Variants in SEMA3A observed in about 807,000 individuals in gnomAD.
SEMA3A encodes semaphorin 3A.
SEMA3A carries 29 observed loss-of-function variants against 97.9 expected under a neutral mutation model. The observed-to-expected ratio is 0.30, with a 90% CI of 0.22 to 0.40. The LOEUF is 0.40. Ranked by LOEUF, SEMA3A falls within the 10% of genes least tolerant of loss-of-function variation. SEMA3A has a pLI of 1.00. For synonymous variants in SEMA3A, 321 were observed against 323.7 expected, an observed-to-expected ratio of 0.99 and a Z score of 0.09; for missense variants, 763 against 951.3, an observed-to-expected ratio of 0.80 and a Z score of 2.60.
intron 3 of SEMA3A, among the ~76,000 whole-genome samples, chr7:84,304,484 A>G (rs972068439): frequency 6.6e-6 from 1 of 152,110 alleles, no homozygotes; most frequent in African/African-American, 2.4e-5. Context: ...AAAAAGTAGA[A>G]TGGTTTTACG....
intron 1 of SEMA3A, among the ~76,000 whole-genome samples, chr7:84,448,409 C>A (rs902029236): frequency 2.3e-4 from 35 of 151,750 alleles, no homozygotes; most frequent in African/African-American, 7.8e-4. Context: ...AAAAATTTCA[C>A]AAAAAATTAT....
intron 1 of SEMA3A, among the ~76,000 whole-genome samples, chr7:84,427,449 C>A (rs556061436): frequency 5.3e-5 from 8 of 151,652 alleles, no homozygotes; most frequent in Non-Finnish European, 7.4e-5. Context: ...GAGTTTGAGA[C>A]CAGCCTGGCC....
Position 84,068,159 on chromosome 7 carries a change from A to C in SEMA3A, c.454-7601T>G, listed in dbSNP as rs1793602800. Among the ~76,000 whole-genome samples the C allele has an allele frequency of 2.1e-5, 3 of 140,958 alleles. No individual in the cohort carries two copies. In the South Asian group the frequency reaches 7.1e-4, roughly 34 times the overall value. 92.5% of individuals were successfully genotyped at this position (140,958 alleles called of 152,430 possible). ...GAAATTGGAAAACATCATTCTCAGT[A>C]AACTATCGCAAGAACAAAAAACCAA... On this transcript the variant is annotated intron_variant, in intron 4 of 16. Coordinates refer to ENST00000265362, the MANE Select transcript of SEMA3A (RefSeq NM_006080.3).
chr7:84,045,089 C>A (rs1792297139), intron 6 of SEMA3A, among the ~76,000 whole-genome samples: 1 of 151,948 alleles, frequency 6.6e-6, no homozygotes, highest in African/African-American at 2.4e-5. Flanking sequence ...TGTCACACAA[C>A]TCATGGTCTC....
chr7:84,341,684 G>A (rs79585459), intron 2 of SEMA3A, among the ~76,000 whole-genome samples: 3,486 of 152,164 alleles, frequency 0.023, 135 homozygotes, highest in African/African-American at 0.079. Flanking sequence ...AAACCTGGAT[G>A]ACTGAAATAG....
chr7:84,232,336 G>T (rs1799134939), intron 3 of SEMA3A, among the ~76,000 whole-genome samples: 1 of 148,904 alleles, frequency 6.7e-6, no homozygotes, highest in Non-Finnish European at 1.5e-5. Context: ...AATATATAAG[G>T]AAAAATGTCC....
rs35548191 is a variant in SEMA3A at position 84,300,048 on chromosome 7, A to G, written c.-83+7159T>C. Among the ~76,000 whole-genome samples, 1,686 of 148,704 alleles carry G rather than the reference A, an allele frequency of 0.011. 32 individuals carry two copies. In the East Asian group the frequency reaches 0.13, roughly 11 times the overall value. ...ACTCAGTCACAAAAAAAAAAAAAAAAAAAGAAAGAAAAAGAAACTTAGGAA... is the reference window on the plus strand; with the variant it reads ...ACTCAGTCACAAAAAAAAAAAAAAAGAAAGAAAGAAAAAGAAACTTAGGAA... On this transcript the variant is annotated intron_variant, in intron 3 of 3. Coordinates refer to the SEMA3A transcript ENST00000424555.
chr7:84,458,696 T>G (rs904786778), intron 1 of SEMA3A, among the ~76,000 whole-genome samples: 1 of 152,090 alleles, frequency 6.6e-6, no homozygotes, highest in African/African-American at 2.4e-5. Flanking sequence ...TATATCATAG[T>G]TGATCATATT....
intron 3 of SEMA3A, among the ~76,000 whole-genome samples, chr7:84,239,646 G>T (rs970169188): frequency 6.6e-6 from 1 of 151,924 alleles, no homozygotes; most frequent in Non-Finnish European, 1.5e-5. Flanking sequence ...AAATTGGATC[G>T]TAAAAAAACA....
intron 6 of SEMA3A, among the ~76,000 whole-genome samples, chr7:84,040,586 T>G (rs1362985906): frequency 6.6e-6 from 1 of 152,058 alleles, no homozygotes; most frequent in African/African-American, 2.4e-5. Flanking sequence ...TTGAGAGCCA[T>G]GTCAGGGAGG....
chr7:84,408,421 A>G (rs1326835214), intron 1 of SEMA3A, among the ~76,000 whole-genome samples: 1 of 151,456 alleles, frequency 6.6e-6, no homozygotes, highest in East Asian at 1.9e-4. Flanking sequence ...GTGGAGAAAT[A>G]GGAACACTTT....
At chr7:84,313,894 T>C (rs1339326032) in intron 2 of SEMA3A, among the ~76,000 whole-genome samples, 2 of 152,026 alleles carry the variant, frequency 1.3e-5, no homozygotes, top group Non-Finnish European at 2.9e-5. Flanking sequence ...ATTTTAACAA[T>C]AGGCTTTCAT....
intron 3 of SEMA3A, among the ~76,000 whole-genome samples, chr7:84,239,333 G>T (rs1054853373): frequency 6.6e-6 from 1 of 152,070 alleles, no homozygotes; most frequent in African/African-American, 2.4e-5. Flanking sequence ...AAAGGCTTTT[G>T]TTGAAAATAA....
chr7:84,328,439 T>C (rs1406261943), intron 2 of SEMA3A, among the ~76,000 whole-genome samples: 1 of 151,786 alleles, frequency 6.6e-6, no homozygotes, highest in Non-Finnish European at 1.5e-5. Context: ...GAGCAGGAGA[T>C]AGAGGGGAAG....
chr7:84,376,513 A>G (rs1352929552), intron 1 of SEMA3A, among the ~76,000 whole-genome samples: 2 of 129,526 alleles, frequency 1.5e-5, no homozygotes, highest in Admixed American at 1.7e-4. Flanking sequence ...CTGAGGCAGG[A>G]GAATGGCGTG....
At chr7:84,492,605 C>T (rs1806762228) in exon 1 of SEMA3A, 1 of 152,138 alleles carries the variant, frequency 6.6e-6, no homozygotes, top group Admixed American at 6.6e-5. Flanking sequence ...GCCCATCACA[C>T]TGATGCTAGA....
At chr7:84,288,239 C>T (rs959251054) in intron 3 of SEMA3A, among the ~76,000 whole-genome samples, 2 of 151,986 alleles carry the variant, frequency 1.3e-5, no homozygotes, top group Non-Finnish European at 2.9e-5. Flanking sequence ...GTGTGGCCCA[C>T]CATGCCCAGC....
At chr7:84,340,428 G>C (rs2115984124) in intron 2 of SEMA3A, among the ~76,000 whole-genome samples, 1 of 152,178 alleles carries the variant, frequency 6.6e-6, no homozygotes, top group South Asian at 2.1e-4. Flanking sequence ...GGAAATATTT[G>C]TGTCAGGTTA....
At chr7:84,477,438 CAAAAAAAAAAAA>C (rs11335984) in intron 1 of SEMA3A, among the ~76,000 whole-genome samples, 22 of 42,398 alleles carry the variant, frequency 5.2e-4, no homozygotes, top group African/African-American at 1.5e-3. Flanking sequence ...GACTCTGTCT[CAAAAAAAAAAAA>C]AAAAAAAAAA....
Sources: gnomAD v4.1 joint callset for allele counts (sites outside exome capture counted in the v4.1 genomes callset) on GRCh38, gnomAD v4.1.1 for gene constraint, MANE v1.5 for transcripts, NCBI Gene and HGNC (gene_info 2026-07-23, HGNC 2026-07-21) for gene names.